Variants in XKR9 observed in about 807,000 individuals in gnomAD.
The protein encoded by XKR9 is XK related 9, also known as XK-related protein 9.
Under a neutral mutation model 32.0 loss-of-function variants are expected in XKR9, and 32 were observed. That is an observed-to-expected ratio of 1.00 (90% CI 0.76 to 1.34). The LOEUF (loss-of-function observed/expected upper bound fraction) is 1.34. Ranked by LOEUF, XKR9 falls within the 40% of genes most tolerant of loss-of-function variation. The probability of loss-of-function intolerance (pLI) is 0.00; values close to 1 mark genes in which losing one functional copy is unlikely to be tolerated. For missense variants in XKR9, 546 were observed against 429.7 expected, an observed-to-expected ratio of 1.27 and a Z score of -2.39; for synonymous variants, 168 against 143.4, an observed-to-expected ratio of 1.17 and a Z score of -1.22.
At chr8:70,825,308 C>T in the XKR9 span, among the ~76,000 whole-genome samples, 3 of 152,028 alleles carry the variant, frequency 2.0e-5, no homozygotes, top group Non-Finnish European at 4.4e-5. Flanking sequence ...ATTGAGTGAC[C>T]TGCTCAGGTA....
chr8:70,675,012 C>A (rs16937191), intron 2 of XKR9, 113 bp downstream of exon 2: 9 of 152,170 alleles, frequency 5.9e-5, no homozygotes, highest in Admixed American at 5.9e-4. Context: ...GCAAAAGTTA[C>A]GTATTTCGGC....
the XKR9 span, among the ~76,000 whole-genome samples, chr8:70,847,998 G>A: frequency 6.6e-6 from 1 of 151,860 alleles, no homozygotes; most frequent in Admixed American, 6.6e-5. Flanking sequence ...ACCAAAACTG[G>A]ACAAGAACAC....
the XKR9 span, among the ~76,000 whole-genome samples, chr8:70,840,729 T>A: frequency 2.0e-5 from 3 of 152,126 alleles, no homozygotes; most frequent in African/African-American, 7.2e-5. Flanking sequence ...AGAGGGGAAT[T>A]AGTGTGCTTG....
At chr8:70,989,029 C>T in the XKR9 span, among the ~76,000 whole-genome samples, 20 of 152,298 alleles carry the variant, frequency 1.3e-4, no homozygotes, top group Admixed American at 3.9e-4. Flanking sequence ...TTCCATTACA[C>T]GTATGTACAA....
At chr8:70,716,705 T>C (rs1046591204) in intron 4 of XKR9, among the ~76,000 whole-genome samples, 1 of 152,092 alleles carries the variant, frequency 6.6e-6, no homozygotes, top group African/African-American at 2.4e-5. Flanking sequence ...AACCATATCA[T>C]TCCTCTCCCA....
chr8:70,904,307 G>A, the XKR9 span, among the ~76,000 whole-genome samples: 1 of 152,114 alleles, frequency 6.6e-6, no homozygotes, highest in African/African-American at 2.4e-5. Context: ...CTCCTGTATT[G>A]GGTGCATGTA....
rs34400671 is a variant in XKR9, at chr8:70,767,496, C to CTTTTTT, written n.353-21828_353-21823dup. 6.8e-3 allele frequency among the ~76,000 whole-genome samples: 676 copies of CTTTTTT among 99,320 alleles called. 7 individuals are homozygous for CTTTTTT. Among genetic ancestry groups the CTTTTTT allele is most frequent in the Non-Finnish European group, 0.01 (544 of 52,130 alleles). The allele number at this position is 99,320 out of a possible 152,430, so 65.2% of individuals were successfully genotyped here. ...TATTTGATTCTTCTCTCTTTTCCTT[C>CTTTTTT]TTTTTTTTTTTTTTTTTTTTGAGAT... On this transcript the variant is annotated intron_variant and non_coding_transcript_variant, in intron 2 of 3. Transcript: ENST00000520273.
At chr8:70,687,514 C>T (rs1484344643) in intron 3 of XKR9, among the ~76,000 whole-genome samples, 2 of 151,964 alleles carry the variant, frequency 1.3e-5, no homozygotes, top group South Asian at 2.1e-4. Flanking sequence ...GCATTACAGG[C>T]ATGTGCCATC....
intron 3 of XKR9, among the ~76,000 whole-genome samples, chr8:70,692,726 C>A (rs1443981777): frequency 6.6e-6 from 1 of 151,938 alleles, no homozygotes; most frequent in Non-Finnish European, 1.5e-5. Context: ...TTACAGGTGC[C>A]CACCGCCACA....
chr8:70,909,828 C>T, the XKR9 span, among the ~76,000 whole-genome samples: 2 of 150,124 alleles, frequency 1.3e-5, no homozygotes, highest in Non-Finnish European at 3.0e-5. Flanking sequence ...CATGTCTCAG[C>T]CTCCCAAGTA....
chr8:70,762,305 C>T (rs935112419), intron 2 of XKR9, among the ~76,000 whole-genome samples: 6 of 152,182 alleles, frequency 3.9e-5, no homozygotes, highest in Admixed American at 3.3e-4. Flanking sequence ...TTTCCAGCCC[C>T]TGGTAACTTC....
the XKR9 span, among the ~76,000 whole-genome samples, chr8:70,885,808 GGATGGTCTC>G: frequency 6.6e-6 from 1 of 152,160 alleles, no homozygotes; most frequent in Non-Finnish European, 1.5e-5. Flanking sequence ...GTGTTAGCCA[GGATGGTCTC>G]GATCTCCTGA....
chr8:70,820,095 C>T, the XKR9 span, among the ~76,000 whole-genome samples: 1 of 152,156 alleles, frequency 6.6e-6, no homozygotes, highest in African/African-American at 2.4e-5. Context: ...CTCTGACCTT[C>T]TCCTGTCCTT....
chr8:70,838,765 G>A, the XKR9 span, among the ~76,000 whole-genome samples: 2 of 152,040 alleles, frequency 1.3e-5, no homozygotes, highest in African/African-American at 2.4e-5. Flanking sequence ...GACTCCAAGT[G>A]TGGAAGTTTT....
the XKR9 span, among the ~76,000 whole-genome samples, chr8:71,001,828 C>T: frequency 6.6e-6 from 1 of 152,074 alleles, no homozygotes; most frequent in Non-Finnish European, 1.5e-5. Flanking sequence ...GTTACATTAA[C>T]ATTAGTAACA....
chr8:71,004,970 C>T, the XKR9 span, among the ~76,000 whole-genome samples: 2 of 144,902 alleles, frequency 1.4e-5, no homozygotes, highest in Admixed American at 7.0e-5. Context: ...GCTAGGACTA[C>T]AGGATTGTGC....
chr8:70,727,702 G>C (rs747263334), intron 4 of XKR9, among the ~76,000 whole-genome samples: 1 of 152,070 alleles, frequency 6.6e-6, no homozygotes, highest in South Asian at 2.1e-4. Context: ...CTGGCCTGTG[G>C]ATCAGGGTTT....
the XKR9 span, among the ~76,000 whole-genome samples, chr8:70,820,797 TG>T: frequency 2.0e-5 from 3 of 152,252 alleles, no homozygotes; most frequent in South Asian, 4.1e-4. Context: ...ATGAAGAGCA[TG>T]GGGGAAACCA....
chr8:70,943,939 C>T, the XKR9 span, among the ~76,000 whole-genome samples: 9 of 151,952 alleles, frequency 5.9e-5, no homozygotes, highest in African/African-American at 2.2e-4. Context: ...TATTAAGTAG[C>T]ACATGTGAAT....
Sources: gnomAD v4.1 joint callset for allele counts (sites outside exome capture counted in the v4.1 genomes callset) on GRCh38, gnomAD v4.1.1 for gene constraint, MANE v1.5 for transcripts, NCBI Gene and HGNC (gene_info 2026-07-23, HGNC 2026-07-21) for gene names.